The following SSBP2 variants were observed in gnomAD, a reference collection of about 807,000 sequenced individuals.
SSBP2 encodes single-stranded DNA-binding protein 2.
SSBP2 carries 17 observed loss-of-function variants against 61.8 expected under a neutral mutation model. The observed-to-expected ratio is 0.28, with a 90% CI of 0.19 to 0.41. The LOEUF (loss-of-function observed/expected upper bound fraction) is 0.41. Ranked by LOEUF, SSBP2 falls within the 10% of genes least tolerant of loss-of-function variation. The pLI, the probability that SSBP2 is intolerant of heterozygous loss-of-function variation, is 1.00. For synonymous variants in SSBP2, 139 were observed against 141.3 expected (o/e 0.98, Z 0.12); for missense variants, 310 against 458.7 (o/e 0.68, Z 2.96).
intron 1 of SSBP2, among the ~76,000 whole-genome samples, chr5:81,750,235 A>ACCCGCCCCCGCC (rs1163350202): frequency 1.2e-4 from 10 of 83,960 alleles, no homozygotes; most frequent in African/African-American, 2.5e-4. Context: ...TCCGGCGCCC[A>ACCCGCCCCCGCC]CCCGCCCCCG....
At chr5:81,515,914 G>C (rs1768984191) in intron 4 of SSBP2, among the ~76,000 whole-genome samples, 1 of 151,478 alleles carries the variant, frequency 6.6e-6, no homozygotes, top group East Asian at 1.9e-4. Flanking sequence ...AATTCAATAA[G>C]AATACTGAAT....
intron 4 of SSBP2, among the ~76,000 whole-genome samples, chr5:81,581,342 A>G (rs1353913286): frequency 2.6e-5 from 4 of 152,182 alleles, no homozygotes; most frequent in African/African-American, 9.7e-5. Context: ...TTAAATGTAG[A>G]ATGGAGGTGT....
At chr5:81,438,543 G>C (rs1045906714) in intron 14 of SSBP2, among the ~76,000 whole-genome samples, 1 of 151,956 alleles carries the variant, frequency 6.6e-6, no homozygotes, top group African/African-American at 2.4e-5. Flanking sequence ...ATTAATATAA[G>C]TTGTAAATAA....
At chr5:81,750,429 C>G (rs1293452045) in intron 1 of SSBP2, among the ~76,000 whole-genome samples, 3 of 145,958 alleles carry the variant, frequency 2.1e-5, no homozygotes, top group Admixed American at 2.0e-4. Context: ...GCCGCGCGCC[C>G]GGCACCGCCG....
At chr5:81,739,025 C>T (rs1414778223) in intron 1 of SSBP2, among the ~76,000 whole-genome samples, 1 of 151,600 alleles carries the variant, frequency 6.6e-6, no homozygotes. Flanking sequence ...ATTAGCCGGG[C>T]ATGGTGGTGC....
At chr5:81,590,998 A>G (rs539965494) in intron 4 of SSBP2, among the ~76,000 whole-genome samples, 1 of 152,210 alleles carries the variant, frequency 6.6e-6, no homozygotes, top group Non-Finnish European at 1.5e-5. Flanking sequence ...AGTGCAACAG[A>G]GAATGTTGTG....
At chr5:81,750,858 C>T (rs993094983) in intron 1 of SSBP2, 123 bp downstream of exon 1, 1 of 1,123,782 alleles carries the variant, frequency 8.9e-7, no homozygotes, top group Non-Finnish European at 1.3e-6. Flanking sequence ...CACCCCTCCC[C>T]CTGCCAGCCC....
chr5:81,663,883 C>T (rs1750899043), intron 1 of SSBP2, among the ~76,000 whole-genome samples: 1 of 152,142 alleles, frequency 6.6e-6, no homozygotes, highest in Admixed American at 6.6e-5. Flanking sequence ...CATTTTCTAA[C>T]ATTGAGCAAC....
chr5:81,460,987 T>C (rs1028092814), intron 10 of SSBP2, 68 bp downstream of exon 10: 3 of 1,007,902 alleles, frequency 3.0e-6, no homozygotes, highest in Middle Eastern at 3.6e-4. Flanking sequence ...AAAAGCAAAA[T>C]GTTTTTGTGA....
chr5:81,732,019 T>C (rs1369158911), intron 1 of SSBP2, among the ~76,000 whole-genome samples: 2 of 152,112 alleles, frequency 1.3e-5, no homozygotes, highest in African/African-American at 2.4e-5. Flanking sequence ...TGCTGTCTTA[T>C]ATCAAATCGA....
chr5:81,467,077 C>CA lies in SSBP2; in HGVS notation c.571-37dup, dbSNP rs780450651. On this transcript the variant is annotated intron_variant, in intron 8 of 16. Coordinates refer to ENST00000320672, the MANE Select transcript of SSBP2 (RefSeq NM_012446.5). ...AACCAAGGGTCAGACTACCACAAAA[C>CA]AAAAAAACAAAACCAAAGAGGAGGG... The CA allele has an allele frequency of 4.5e-6, 7 of 1,569,024 alleles. No individual in the cohort carries two copies. In the South Asian group the frequency reaches 4.7e-5, roughly 10 times the overall value.
chr5:81,530,759 T>C (rs1770327611), intron 4 of SSBP2, among the ~76,000 whole-genome samples: 1 of 152,090 alleles, frequency 6.6e-6, no homozygotes, highest in Non-Finnish European at 1.5e-5. Context: ...TTATTACTAC[T>C]GGAATCTCTT....
At chr5:81,533,521 T>G (rs1770576156) in intron 4 of SSBP2, among the ~76,000 whole-genome samples, 1 of 152,036 alleles carries the variant, frequency 6.6e-6, no homozygotes, top group African/African-American at 2.4e-5. Flanking sequence ...ATATATTTAA[T>G]AAGAAGGACA....
intron 3 of SSBP2, among the ~76,000 whole-genome samples, chr5:81,623,635 C>T (rs900980189): frequency 4.6e-5 from 7 of 152,162 alleles, no homozygotes; most frequent in Middle Eastern, 6.8e-3. Flanking sequence ...GCGCCCGGTC[C>T]ATTGTAGTAC....
intron 5 of SSBP2, among the ~76,000 whole-genome samples, chr5:81,496,266 G>A (rs1234857434): frequency 6.6e-6 from 1 of 151,826 alleles, no homozygotes; most frequent in Admixed American, 6.6e-5. Flanking sequence ...TGCAACCTCC[G>A]CCTCCTGAGT....
At chr5:81,581,939 A>G (rs893019993) in intron 4 of SSBP2, among the ~76,000 whole-genome samples, 1 of 152,194 alleles carries the variant, frequency 6.6e-6, no homozygotes, top group Non-Finnish European at 1.5e-5. Context: ...AAAGCTTACT[A>G]TATTAAAAAA....
intron 12 of SSBP2, among the ~76,000 whole-genome samples, chr5:81,445,492 T>G (rs1763348243): frequency 6.6e-6 from 1 of 152,022 alleles, no homozygotes; most frequent in Non-Finnish European, 1.5e-5. Context: ...CTTCACCATA[T>G]AAGAACATAA....
intron 4 of SSBP2, among the ~76,000 whole-genome samples, chr5:81,540,325 T>A (rs1771163432): frequency 6.6e-6 from 1 of 152,194 alleles, no homozygotes; most frequent in South Asian, 2.1e-4. Flanking sequence ...CACACTGTCT[T>A]CCGCAATGGT....
At chr5:81,743,659 T>C (rs1757174210) in intron 1 of SSBP2, among the ~76,000 whole-genome samples, 1 of 152,216 alleles carries the variant, frequency 6.6e-6, no homozygotes, top group Non-Finnish European at 1.5e-5. Flanking sequence ...CATAATTTGT[T>C]TACAGGAAGA....
Sources: gnomAD v4.1 joint callset for allele counts (sites outside exome capture counted in the v4.1 genomes callset) on GRCh38, gnomAD v4.1.1 for gene constraint, MANE v1.5 for transcripts, NCBI Gene and HGNC (gene_info 2026-07-23, HGNC 2026-07-21) for gene names.